Variants in ETF1 observed in about 807,000 individuals in gnomAD.
The protein encoded by ETF1 is eukaryotic translation termination factor 1.
Under a neutral mutation model 55.1 loss-of-function variants are expected in ETF1, and 4 were observed. That is an observed-to-expected ratio of 0.07 (90% CI 0.04 to 0.17). The LOEUF (loss-of-function observed/expected upper bound fraction) is 0.17. Among genes scored for constraint, ETF1 ranks in the 10% least tolerant of loss-of-function variants. The pLI is 1.00. For missense variants in ETF1, 142 were observed against 523.6 expected, an observed-to-expected ratio of 0.27 and a Z score of 7.11; for synonymous variants, 157 against 182.3, an observed-to-expected ratio of 0.86 and a Z score of 1.12.
chr5:138,511,713 T>A (rs183182924), intron 6 of ETF1, 109 bp from the exon 7 acceptor site: 7 of 1,415,988 alleles, frequency 4.9e-6, no homozygotes, highest in Non-Finnish European at 6.5e-6. Flanking sequence ...AAGCTCAGCA[T>A]TATGATCACT....
intron 4 of ETF1, among the ~76,000 whole-genome samples, chr5:138,514,354 G>C (rs1265403689): frequency 6.6e-6 from 1 of 152,120 alleles, no homozygotes; most frequent in Non-Finnish European, 1.5e-5. Context: ...AGGAGTTTGA[G>C]ACTGGCCTGG....
At chr5:138,524,592 T>G (rs1236014980) in intron 2 of ETF1, among the ~76,000 whole-genome samples, 2 of 149,192 alleles carry the variant, frequency 1.3e-5, no homozygotes, top group Admixed American at 1.3e-4. Context: ...TTTGTTTTTT[T>G]TTTTGAGACA....
chr5:138,530,583 TTTTC>T (rs138590289), intron 2 of ETF1, among the ~76,000 whole-genome samples: 5,864 of 152,040 alleles, frequency 0.039, 337 homozygotes, highest in African/African-American at 0.13. Flanking sequence ...CAGCTGATTC[TTTTC>T]TTTGAGACAG....
chr5:138,513,186 T>C (rs756832415), intron 5 of ETF1: 47 of 985,156 alleles, frequency 4.8e-5, no homozygotes, highest in Non-Finnish European at 5.7e-5. Flanking sequence ...TACAGGAGGC[T>C]TCTCTCCCCA....
chr5:138,523,063 T>A (rs1466065390), intron 2 of ETF1, among the ~76,000 whole-genome samples: 5 of 151,894 alleles, frequency 3.3e-5, no homozygotes, highest in Non-Finnish European at 7.4e-5. Context: ...AAGTAAAAAC[T>A]GTCACAAAAG....
intron 2 of ETF1, among the ~76,000 whole-genome samples, chr5:138,532,917 T>C (rs34629616): frequency 0.4 from 60,047 of 151,976 alleles, 12,523 homozygotes; most frequent in East Asian, 0.8. Flanking sequence ...ATGAAACACA[T>C]TGTTTACAGT....
chr5:138,525,943 T>A lies in ETF1; in HGVS notation c.87-7076A>T, dbSNP rs377703609. ...CTGGGCAACAGAGTGAGACTCTGTT[T>A]AAAAAAAAAAAAAAAAAAGAAATGT... is the stretch of plus-strand genomic sequence containing the variant. On this transcript the variant is annotated intron_variant, in intron 2 of 10. Transcript: ENST00000360541. Among the ~76,000 whole-genome samples the A allele has an allele frequency of 1.1e-3, 141 of 133,822 alleles. 1 individual carries two copies. Among genetic ancestry groups the A allele is most frequent in the African/African-American group, 3.7e-3 (132 of 36,008 alleles). The allele number at this position is 133,822 out of a possible 152,430, so 87.8% of individuals were successfully genotyped here.
chr5:138,515,373 C>T (rs949840495), intron 4 of ETF1, among the ~76,000 whole-genome samples: 2 of 151,828 alleles, frequency 1.3e-5, no homozygotes, highest in Non-Finnish European at 2.9e-5. Context: ...TGCAAGGAGC[C>T]GAGATCGTGC....
chr5:138,542,703 A>C, intron 2 of ETF1, 130 bp downstream of exon 2: 1 of 1,511,146 alleles, frequency 6.6e-7, no homozygotes, highest in Non-Finnish European at 8.9e-7. Context: ...AGGGGCTACT[A>C]CCCAGAGATC....
rs1035048263 is a variant in ETF1 at position 138,520,568 on chromosome 5, A to C, written c.87-1701T>G. On this transcript the variant is annotated intron_variant, in intron 2 of 10. Coordinates refer to ENST00000360541, the MANE Select transcript of ETF1 (RefSeq NM_004730.4). ...CACAGTGGCTCACACCTGTAATCCC[A>C]GCACTTTGGGAGGCTAAGGTAGGAG... is the stretch of plus-strand genomic sequence containing the variant. Among the ~76,000 whole-genome samples the C allele has an allele frequency of 5.9e-5, 9 of 152,334 alleles. No homozygotes were observed. The South Asian group carries it at 1.9e-3, about 32-fold the overall frequency.
At chr5:138,511,290 A>G (rs1764765010) in intron 7 of ETF1, 90 bp from the exon 8 acceptor site, 1 of 1,548,592 alleles carries the variant, frequency 6.5e-7, no homozygotes, top group Admixed American at 2.1e-5. Flanking sequence ...TAAAGAAGAT[A>G]AAAAATAATG....
intron 2 of ETF1, among the ~76,000 whole-genome samples, chr5:138,523,291 C>A (rs551281720): frequency 6.6e-6 from 1 of 152,114 alleles, no homozygotes; most frequent in Admixed American, 6.6e-5. Flanking sequence ...CGCTTGAACC[C>A]GGGAGGCGGA....
intron 6 of ETF1, 102 bp from the exon 7 acceptor site, chr5:138,511,706 C>G (rs1289413958): frequency 2.8e-6 from 4 of 1,428,848 alleles, no homozygotes; most frequent in Non-Finnish European, 3.7e-6. Context: ...GTATGCAAAG[C>G]TCAGCATTAT....
chr5:138,527,119 G>A (rs971655626), intron 2 of ETF1, among the ~76,000 whole-genome samples: 1 of 152,196 alleles, frequency 6.6e-6, no homozygotes, highest in African/African-American at 2.4e-5. Context: ...TTACAGGTGT[G>A]AGCCACTGTA....
intron 9 of ETF1, among the ~76,000 whole-genome samples, chr5:138,510,212 G>T (rs1296944755): frequency 4.6e-5 from 7 of 151,582 alleles, no homozygotes; most frequent in Non-Finnish European, 1.0e-4. Context: ...TCAAAAATTA[G>T]TTGGGCGTGG....
At chr5:138,511,799 A>C in intron 6 of ETF1, 195 bp from the exon 7 acceptor site, 1 of 981,712 alleles carries the variant, frequency 1.0e-6, no homozygotes, top group Non-Finnish European at 1.2e-6. Context: ...CAATTATATC[A>C]CACATTTTAT....
rs1201940230 is a variant in ETF1, at chr5:138,506,552, C to T, written c.*1753G>A. On this transcript the variant is annotated 3_prime_UTR_variant, in exon 11 of 11. Coordinates refer to ENST00000360541, the MANE Select transcript of ETF1 (RefSeq NM_004730.4). ...TGCTCGCTCTTGGGTGTTCTGCAAA[C>T]AAATAGCAGAGCCCAAAGCAAAAAA... 6.6e-6 allele frequency: 1 copy of T among 152,646 alleles called. No individual in the cohort carries two copies. The highest frequency in any genetic ancestry group is 2.4e-5 in the African/African-American group (1 of 41,448). The allele number at this position is 152,646 out of a possible 1,614,324, so 9.5% of individuals were successfully genotyped here.
chr5:138,528,189 A>G (rs1307521682), intron 2 of ETF1, among the ~76,000 whole-genome samples: 1 of 152,226 alleles, frequency 6.6e-6, no homozygotes, highest in Non-Finnish European at 1.5e-5. Flanking sequence ...TGGCAAAGGT[A>G]AAGTCTCAGA....
rs562981902 is a variant in ETF1, at chr5:138,510,693, A to G, written c.1019-64T>C. The G allele has an allele frequency of 4.2e-5, 67 of 1,591,870 alleles. 1 individual carries two copies. In the South Asian group the frequency reaches 5.9e-4, roughly 14 times the overall value. On this transcript the variant is annotated intron_variant, in intron 8 of 10. Transcript: ENST00000360541. ...TCATATACTAATCTGTGTAAGCTCC[A>G]TAAGATGAGGTTAGATGAGAAAAGG...
Sources: gnomAD v4.1 joint callset for allele counts (sites outside exome capture counted in the v4.1 genomes callset) on GRCh38, gnomAD v4.1.1 for gene constraint, MANE v1.5 for transcripts, NCBI Gene and HGNC (gene_info 2026-07-23, HGNC 2026-07-21) for gene names.